Variants in SLC35F3 observed in about 807,000 individuals in gnomAD.
SLC35F3 encodes putative thiamine transporter SLC35F3.
A neutral mutation model predicts 49.9 loss-of-function variants in SLC35F3; 25 were observed. The observed-to-expected ratio is 0.50, with a 90% CI of 0.37 to 0.70. SLC35F3 has a LOEUF of 0.70. Ranked by LOEUF, SLC35F3 falls within the 30% of genes least tolerant of loss-of-function variation. The pLI is 0.00. For synonymous variants in SLC35F3, 275 were observed against 265.4 expected, an observed-to-expected ratio of 1.04 and a Z score of -0.35; for missense variants, 525 against 639.8, an observed-to-expected ratio of 0.82 and a Z score of 1.94.
intron 2 of SLC35F3, among the ~76,000 whole-genome samples, chr1:234,157,866 A>G (rs1318101111): frequency 6.6e-6 from 1 of 152,202 alleles, no homozygotes; most frequent in African/African-American, 2.4e-5. Flanking sequence ...ACAGGAAAGT[A>G]TTTCAGGAGG....
intron 4 of SLC35F3, 114 bp from the exon 5 acceptor site, chr1:234,316,488 C>A (rs1282884149): frequency 1.5e-6 from 2 of 1,353,400 alleles, no homozygotes; most frequent in South Asian, 1.5e-5. Context: ...AAGGAGACAC[C>A]ACTTTCCCCT....
At chr1:234,024,157 C>A (rs1451068681) in intron 2 of SLC35F3, among the ~76,000 whole-genome samples, 1 of 151,982 alleles carries the variant, frequency 6.6e-6, no homozygotes, top group Non-Finnish European at 1.5e-5. Context: ...ATATAGGAAC[C>A]CTTTATGCTA....
intron 2 of SLC35F3, among the ~76,000 whole-genome samples, chr1:234,220,770 A>G (rs950362192): frequency 6.6e-5 from 10 of 152,230 alleles, no homozygotes; most frequent in African/African-American, 1.7e-4. Context: ...TGCCTAAACA[A>G]TTCTGGGAAT....
chr1:234,067,872 A>G (rs997904), intron 2 of SLC35F3, among the ~76,000 whole-genome samples: 11,316 of 152,246 alleles, frequency 0.074, 665 homozygotes, highest in East Asian at 0.25. Context: ...GATTTGTTAC[A>G]CAGGAAAGGG....
intron 2 of SLC35F3, among the ~76,000 whole-genome samples, chr1:234,040,673 G>T (rs1448688559): frequency 1.3e-5 from 2 of 152,198 alleles, no homozygotes; most frequent in Non-Finnish European, 2.9e-5. Flanking sequence ...TTATGGTCCT[G>T]GCTCTCACCT....
chr1:233,983,596 T>C (rs1339332833), intron 2 of SLC35F3, among the ~76,000 whole-genome samples: 1 of 152,248 alleles, frequency 6.6e-6, no homozygotes, highest in Non-Finnish European at 1.5e-5. Context: ...CTATTGTCAG[T>C]TTCTTAATTT....
At chr1:234,128,152 G>T (rs1335504726) in intron 2 of SLC35F3, among the ~76,000 whole-genome samples, 1 of 152,192 alleles carries the variant, frequency 6.6e-6, no homozygotes, top group East Asian at 1.9e-4. Context: ...GAAAGGTCAT[G>T]AACTGAATAT....
At chr1:234,284,194 G>A (rs1487862025) in intron 3 of SLC35F3, among the ~76,000 whole-genome samples, 2 of 152,112 alleles carry the variant, frequency 1.3e-5, no homozygotes, top group East Asian at 1.9e-4. Flanking sequence ...CATGAGCTAC[G>A]GTGCCTGTCC....
chr1:233,998,877 T>C (rs1023698503), intron 2 of SLC35F3, among the ~76,000 whole-genome samples: 2 of 152,118 alleles, frequency 1.3e-5, no homozygotes, highest in Non-Finnish European at 2.9e-5. Flanking sequence ...TAATGATGAG[T>C]ACTTTAATAA....
chr1:234,178,955 C>G (rs145178849), intron 2 of SLC35F3, among the ~76,000 whole-genome samples: 1 of 152,302 alleles, frequency 6.6e-6, no homozygotes, highest in African/African-American at 2.4e-5. Flanking sequence ...ACTATCTCCA[C>G]AGTTTTTCCT....
rs1372311019 is a variant in SLC35F3, at chr1:234,180,046, A to G, written c.284-51371A>G. Among the ~76,000 whole-genome samples, 5 of 152,260 alleles carry G rather than the reference A, an allele frequency of 3.3e-5. No homozygotes were observed. The East Asian group carries it at 7.7e-4, about 24-fold the overall frequency. The stretch of plus-strand genomic sequence containing the variant: ...CTAGAATTGTTTGGGCTTGATTTCC[A>G]TAGACATTTTTTGTAACCCACTGCC... On this transcript the variant is annotated intron_variant, in intron 2 of 7. Coordinates refer to ENST00000366618, the MANE Select transcript of SLC35F3 (RefSeq NM_173508.4).
chr1:234,315,947 T>A (rs1364232470), intron 4 of SLC35F3, among the ~76,000 whole-genome samples: 1 of 152,214 alleles, frequency 6.6e-6, no homozygotes, highest in African/African-American at 2.4e-5. Flanking sequence ...CTCCGTCCCA[T>A]CTGAGAAGTC....
intron 2 of SLC35F3, among the ~76,000 whole-genome samples, chr1:234,049,338 T>G (rs1423597734): frequency 1.3e-5 from 2 of 152,072 alleles, no homozygotes; most frequent in African/African-American, 4.8e-5. Context: ...TGCTCACTCT[T>G]GCTCTCTCTC....
chr1:234,155,049 A>G (rs1666130390), intron 2 of SLC35F3, among the ~76,000 whole-genome samples: 1 of 152,224 alleles, frequency 6.6e-6, no homozygotes, highest in South Asian at 2.1e-4. Flanking sequence ...TAAATTACTT[A>G]TAATACCTAA....
chr1:233,976,659 G>A (rs2102819879), intron 2 of SLC35F3, among the ~76,000 whole-genome samples: 1 of 151,988 alleles, frequency 6.6e-6, no homozygotes, highest in East Asian at 1.9e-4. Context: ...CACCCAGACT[G>A]GAGTGCAGTG....
At chr1:234,049,340 C>A (rs1409998130) in intron 2 of SLC35F3, among the ~76,000 whole-genome samples, 3 of 151,862 alleles carry the variant, frequency 2.0e-5, no homozygotes, top group Non-Finnish European at 4.4e-5. Flanking sequence ...CTCACTCTTG[C>A]TCTCTCTCTA....
At chr1:234,303,392 C>G (rs1668723248) in intron 3 of SLC35F3, among the ~76,000 whole-genome samples, 1 of 152,230 alleles carries the variant, frequency 6.6e-6, no homozygotes, top group Admixed American at 6.5e-5. Context: ...TTCTGCGGTT[C>G]CCGGTCTGCA....
chr1:233,961,560 G>A (rs1571998502), intron 2 of SLC35F3, among the ~76,000 whole-genome samples: 1 of 150,058 alleles, frequency 6.7e-6, no homozygotes, highest in African/African-American at 2.5e-5. Flanking sequence ...GGGTTCCAGC[G>A]ATTTTCCCAC....
At chr1:234,242,668 G>T (rs1316905358) in intron 3 of SLC35F3, among the ~76,000 whole-genome samples, 1 of 152,170 alleles carries the variant, frequency 6.6e-6, no homozygotes, top group Non-Finnish European at 1.5e-5. Flanking sequence ...TGGATTCTTT[G>T]TTGAGCAGAG....
Sources: gnomAD v4.1 joint callset for allele counts (sites outside exome capture counted in the v4.1 genomes callset) on GRCh38, gnomAD v4.1.1 for gene constraint, MANE v1.5 for transcripts, NCBI Gene and HGNC (gene_info 2026-07-23, HGNC 2026-07-21) for gene names.